The following DNAAF10 variants were observed in gnomAD, a reference collection of about 807,000 sequenced individuals.
DNAAF10 encodes the protein WD repeat domain 92.
In DNAAF10, 28 loss-of-function variants were observed where a neutral mutation model predicts 43.7. That is an observed-to-expected ratio of 0.64 (90% CI 0.48 to 0.88). The LOEUF (loss-of-function observed/expected upper bound fraction) is 0.88, where lower values mean the gene tolerates loss of function less well. DNAAF10 is among the 40% of genes least tolerant of loss of function. The pLI, the probability that DNAAF10 is intolerant of heterozygous loss-of-function variation, is 0.00. For missense variants in DNAAF10, 403 were observed against 439.1 expected (o/e 0.92, Z 0.73); for synonymous variants, 156 against 157.3 (o/e 0.99, Z 0.06).
At chr2:68,150,959 C>G (rs1673443852) in intron 1 of DNAAF10, among the ~76,000 whole-genome samples, 1 of 152,136 alleles carries the variant, frequency 6.6e-6, no homozygotes, top group Non-Finnish European at 1.5e-5. Flanking sequence ...TGTGCAGATT[C>G]TTTGACACCT....
chr2:68,143,613 G>T (rs1245670047), intron 3 of DNAAF10, among the ~76,000 whole-genome samples: 2 of 152,050 alleles, frequency 1.3e-5, no homozygotes, highest in African/African-American at 2.4e-5. Flanking sequence ...GGCTTATAAG[G>T]GAATGGTTAA....
In DNAAF10 at chr2:68,157,444, G is replaced by A. The variant is rs780083135; in HGVS notation, c.-1C>T. 2.5e-6 allele frequency: 4 copies of A among 1,614,154 alleles called. No individual in the cohort carries two copies. Among genetic ancestry groups the A allele is most frequent in the African/African-American group, 1.3e-5 (1 of 75,030 alleles). ...TCTGAGGCTTCTCGAAGGCCGACAT[G>A]GTGCAGCCAATTTCAGCTACGGCAA... is the stretch of plus-strand genomic sequence containing the variant. On this transcript the variant is annotated 5_prime_UTR_variant, in exon 1 of 8. Transcript: ENST00000295121.
At chr2:68,143,085 C>G (rs1447842971) in intron 3 of DNAAF10, among the ~76,000 whole-genome samples, 1 of 151,862 alleles carries the variant, frequency 6.6e-6, no homozygotes, top group Non-Finnish European at 1.5e-5. Context: ...CTATGTTGCC[C>G]AAGCTGGTTT....
At chr2:68,151,525 T>TC (rs75274928) in intron 1 of DNAAF10, among the ~76,000 whole-genome samples, 1 of 152,156 alleles carries the variant, frequency 6.6e-6, no homozygotes, top group African/African-American at 2.4e-5. Context: ...TGCAATTATG[T>TC]CCCCCTTTCT....
rs1197873889 is a variant in DNAAF10 at position 68,137,314 on chromosome 2, G to A, written c.753C>T (p.Ala251=). The change falls in exon 6 of 8, where the codon GCC becomes GCT. Residue 251 remains alanine, a synonymous_variant. Coordinates refer to ENST00000295121, the MANE Select transcript of DNAAF10 (RefSeq NM_138458.4). The stretch of plus-strand genomic sequence containing the variant: ...TCATATTTACCTTTTCTGAAACAGA[G>A]GCAAAACCTTTGGTTGGATGCTGTG... ...MRTQHPTKGF[A]SVSEKAHKST... 3 of 1,610,254 alleles carry A rather than the reference G, an allele frequency of 1.9e-6. No homozygotes were observed. Among genetic ancestry groups the A allele is most frequent in the African/African-American group, 1.3e-5 (1 of 74,856 alleles).
At chr2:68,154,783 A>AT (rs1284735803) in intron 1 of DNAAF10, among the ~76,000 whole-genome samples, 6 of 151,864 alleles carry the variant, frequency 4.0e-5, no homozygotes, top group Non-Finnish European at 7.4e-5. Flanking sequence ...TCATTTTATT[A>AT]TTTTTTGAGA....
chr2:68,147,139 T>C (rs1673336564), intron 2 of DNAAF10, among the ~76,000 whole-genome samples: 1 of 152,186 alleles, frequency 6.6e-6, no homozygotes. Context: ...CATATGCATT[T>C]TTATATACTG....
Position 68,131,259 on chromosome 2 carries a change from A to G in DNAAF10, c.1053T>C (p.Val351=). 1 of 1,614,016 alleles carries G rather than the reference A, an allele frequency of 6.2e-7. No homozygotes were observed. Among genetic ancestry groups the G allele is most frequent in the Non-Finnish European group, 8.5e-7 (1 of 1,179,980 alleles). The change falls in exon 8 of 8, where the codon GTT becomes GTC. Residue 351 remains valine (V), a synonymous_variant. Transcript: ENST00000295121. The stretch of plus-strand genomic sequence containing the variant: ...GAAGTCAAATTTTATTGAGCTTTGT[A>G]ACGATCAGTACTCTCACCGTTTGGT... ...SFDQTVRVLI[V]TKLNKI
intron 2 of DNAAF10, among the ~76,000 whole-genome samples, chr2:68,145,646 A>G (rs758995213): frequency 6.6e-6 from 1 of 152,170 alleles, no homozygotes; most frequent in Non-Finnish European, 1.5e-5. Context: ...GTGTCATCAT[A>G]CTGGTAACAA....
chr2:68,141,952 T>C lies in DNAAF10; in HGVS notation c.416-157A>G, dbSNP rs558008838. ...TTGTTCTGACTTCTAATTGGGTAAG[T>C]TGTATTTAATATCAGAGATATCACC... On this transcript the variant is annotated intron_variant, in intron 3 of 7. Transcript: ENST00000295121. Among the ~76,000 whole-genome samples, 8 of 152,350 alleles carry C rather than the reference T, an allele frequency of 5.3e-5. No homozygotes were observed. In the South Asian group the frequency reaches 1.2e-3, roughly 24 times the overall value.
At chr2:68,153,753 T>G (rs1024843954) in intron 1 of DNAAF10, among the ~76,000 whole-genome samples, 3 of 145,100 alleles carry the variant, frequency 2.1e-5, no homozygotes, top group Non-Finnish European at 4.5e-5. Flanking sequence ...AAGTTTTTTT[T>G]TTTTTTTTTT....
At chr2:68,134,521 T>G in intron 7 of DNAAF10, 181 bp downstream of exon 7, 1 of 1,443,198 alleles carries the variant, frequency 6.9e-7, no homozygotes, top group South Asian at 1.5e-5. Flanking sequence ...TACACTCTAC[T>G]AAGTGTAAAG....
intron 7 of DNAAF10, chr2:68,134,467 A>C: frequency 7.7e-7 from 1 of 1,298,682 alleles, no homozygotes; most frequent in Non-Finnish European, 9.7e-7. Flanking sequence ...CTTAGAAGAC[A>C]CAACTAAAAT....
chr2:68,130,162 A>G lies in DNAAF10; in HGVS notation c.*1076T>C, dbSNP rs890531332. 17 of 131,168 alleles carry G rather than the reference A, an allele frequency of 1.3e-4. No homozygotes were observed. The highest frequency in any genetic ancestry group is 4.9e-4 in the African/African-American group (16 of 32,360). 8.1% of individuals were successfully genotyped at this position (131,168 alleles called of 1,614,324 possible). On this transcript the variant is annotated 3_prime_UTR_variant, in exon 8 of 8. Coordinates refer to ENST00000295121, the MANE Select transcript of DNAAF10 (RefSeq NM_138458.4). ...TTTTTTTTTTTTGAGACGGAGTCTC[A>G]CTCTGTCGCCAGGGCTGGAGTGCAG...
chr2:68,141,549 A>C, intron 4 of DNAAF10, 145 bp downstream of exon 4: 1 of 688,582 alleles, frequency 1.5e-6, no homozygotes, highest in Non-Finnish European at 2.3e-6. Flanking sequence ...CCAGAGGCTG[A>C]CATTAACCAC....
intron 3 of DNAAF10, among the ~76,000 whole-genome samples, chr2:68,143,179 GA>G (rs11452633): frequency 6.8e-6 from 1 of 148,120 alleles, no homozygotes; most frequent in African/African-American, 2.5e-5. Flanking sequence ...GTTTTAAAAA[GA>G]AAAAAAAAAT....
At chr2:68,144,948 C>T (rs1241536496) in intron 2 of DNAAF10, among the ~76,000 whole-genome samples, 1 of 152,128 alleles carries the variant, frequency 6.6e-6, no homozygotes, top group Non-Finnish European at 1.5e-5. Context: ...CTGAGCTCAC[C>T]ATACTTAGTG....
rs1490247360 is a variant in DNAAF10 at position 68,130,026 on chromosome 2, C to T, written c.*1212G>A. 1 of 149,988 alleles carries T rather than the reference C, an allele frequency of 6.7e-6. No individual in the cohort carries two copies. Among genetic ancestry groups the T allele is most frequent in the Non-Finnish European group, 1.5e-5 (1 of 67,714 alleles). 9.3% of individuals were successfully genotyped at this position (149,988 alleles called of 1,614,324 possible). Reference sequence around the variant, plus strand: ...CCTGTATTTTAAGTAAAAAAGAGCTCTTTAAAATCAAAGCATTTTGTTTTA... The same window carrying T: ...CCTGTATTTTAAGTAAAAAAGAGCTTTTTAAAATCAAAGCATTTTGTTTTA... On this transcript the variant is annotated 3_prime_UTR_variant, in exon 8 of 8. Transcript: ENST00000295121.
intron 1 of DNAAF10, among the ~76,000 whole-genome samples, chr2:68,148,717 G>A (rs1336113247): frequency 1.3e-5 from 2 of 151,992 alleles, no homozygotes; most frequent in Non-Finnish European, 2.9e-5. Flanking sequence ...GCCTCAATGG[G>A]GCAAAACTAT....
Sources: gnomAD v4.1 joint callset for allele counts (sites outside exome capture counted in the v4.1 genomes callset) on GRCh38, gnomAD v4.1.1 for gene constraint, MANE v1.5 for transcripts, NCBI Gene and HGNC (gene_info 2026-07-23, HGNC 2026-07-21) for gene names.